Variants in SCPEP1 observed in about 807,000 individuals in gnomAD.
SCPEP1 encodes the protein retinoid-inducible serine carboxypeptidase.
A neutral mutation model predicts 63.8 loss-of-function variants in SCPEP1; 51 were observed. That is an observed-to-expected ratio of 0.80 (90% CI 0.64 to 1.01). The LOEUF is 1.01. Among genes scored for constraint, SCPEP1 ranks in the 50% least tolerant of loss-of-function variants. SCPEP1 has a pLI of 0.00. For synonymous variants in SCPEP1, 204 were observed against 207.8 expected, an observed-to-expected ratio of 0.98 and a Z score of 0.16; for missense variants, 499 against 554.9, an observed-to-expected ratio of 0.90 and a Z score of 1.01.
chr17:57,000,446 A>G (rs1457540623), intron 10 of SCPEP1, among the ~76,000 whole-genome samples: 1 of 152,158 alleles, frequency 6.6e-6, no homozygotes, highest in Non-Finnish European at 1.5e-5. Context: ...AGGTAGGCCT[A>G]CCTGTTCAGA....
chr17:56,978,202 C>G lies in SCPEP1; in HGVS notation c.43C>G (p.Leu15Val). 1 of 1,562,076 alleles carries G rather than the reference C, an allele frequency of 6.4e-7. No individual in the cohort carries two copies. The highest frequency in any genetic ancestry group is 8.6e-7 in the Non-Finnish European group (1 of 1,159,014). ...GCGCTCTCCCGTCCCGCGGTGGTTG[C>G]TGCTGCTGCCGCTGCTGCTGGGCCT... ...LRRSPVPRWL[L>V]LLPLLLGLNA... Residue 15 changes from leucine to valine, a missense_variant, in exon 1 of 13, where the codon CTG becomes GTG. Transcript: ENST00000262288.
chr17:56,996,942 A>G lies in SCPEP1; in HGVS notation c.787-20A>G, dbSNP rs747139916. 47 of 1,558,212 alleles carry G rather than the reference A, an allele frequency of 3.0e-5. No homozygotes were observed. The highest frequency in any genetic ancestry group is 4.0e-5 in the Non-Finnish European group (46 of 1,139,850). On this transcript the variant is annotated intron_variant, in intron 8 of 12. Transcript: ENST00000262288. The stretch of plus-strand genomic sequence containing the variant: ...GATAGGAAAATGAAACAAACAGCCA[A>G]ATAAACTTTTATATTTCAGAACACA...
Position 56,987,708 on chromosome 17 carries a change from G to C in SCPEP1, c.329G>C (p.Ser110Thr). Reference protein sequence around the residue: ...PRKTTWLQAASLLFVDNPVGT... With the variant: ...PRKTTWLQAATLLFVDNPVGT... ...CGTGGTACATAGCTCCAGGCTGCCA[G>C]TCTCCTATTTGTGGATAATCCCGTG... Residue 110 changes from serine (S) to threonine (T), a missense_variant, in exon 4 of 13, where the codon AGT becomes ACT. Physicochemically the swap from Ser to Thr is moderately conservative, Grantham distance 58. Coordinates refer to ENST00000262288, the MANE Select transcript of SCPEP1 (RefSeq NM_021626.3). 1.9e-6 allele frequency: 3 copies of C among 1,613,650 alleles called. No individual in the cohort carries two copies. The highest frequency in any genetic ancestry group is 2.5e-6 in the Non-Finnish European group (3 of 1,179,870).
chr17:57,001,988 C>T, intron 11 of SCPEP1, 30 bp from the exon 12 acceptor site: 2 of 1,597,500 alleles, frequency 1.3e-6, no homozygotes, highest in South Asian at 2.3e-5. Flanking sequence ...GCTGTTAATG[C>T]CAGGCCTTTC....
rs929309175 is a variant in SCPEP1 at position 56,985,358 on chromosome 17, G to A, written c.226-20G>A. 2 of 1,607,590 alleles carry A rather than the reference G, an allele frequency of 1.2e-6. No individual in the cohort carries two copies. The highest frequency in any genetic ancestry group is 4.5e-5 in the East Asian group (2 of 44,858). On this transcript the variant is annotated intron_variant, in intron 2 of 12. Transcript: ENST00000262288. ...TAAGATCTGACTAAAATTTTTGTTT[G>A]TTTCTTCTCTCTTCCATAGGGCGGT...
chr17:57,001,017 C>A, intron 11 of SCPEP1, 25 bp downstream of exon 11: 1 of 1,613,706 alleles, frequency 6.2e-7, no homozygotes, highest in Non-Finnish European at 8.5e-7. Flanking sequence ...TGAGAGGCAC[C>A]TAGAGGCAGT....
chr17:56,995,432 CCT>C, intron 7 of SCPEP1, 73 bp from the exon 8 acceptor site: 1 of 1,509,070 alleles, frequency 6.6e-7, no homozygotes, highest in Admixed American at 2.0e-5. Flanking sequence ...TTCTCCTACC[CCT>C]CCCTAACTGC....
At position 56,992,529 on chromosome 17, in the gene SCPEP1, C is replaced by G. The variant is rs373230334; in HGVS notation, c.619+1358C>G. Among the ~76,000 whole-genome samples, 9 of 152,316 alleles carry G rather than the reference C, an allele frequency of 5.9e-5. 1 individual carries two copies. The highest frequency in any genetic ancestry group is 1.9e-4 in the East Asian group (1 of 5,188). ...GCTGTTTCATAACTGAGCATCCTCACTGGGAACACAGATAAGAGTTGTTTA... is the reference window on the plus strand; with the variant it reads ...GCTGTTTCATAACTGAGCATCCTCAGTGGGAACACAGATAAGAGTTGTTTA... On this transcript the variant is annotated intron_variant, in intron 6 of 12. Coordinates refer to ENST00000262288, the MANE Select transcript of SCPEP1 (RefSeq NM_021626.3).
rs1401191097 is a variant in SCPEP1, at chr17:56,999,922, C to T, written c.995-933C>T. ...GCTTGAACCCGAGAGGCAGAGATTG[C>T]GGTGAGCCAAGATTGTGCCATTGCA... On this transcript the variant is annotated intron_variant, in intron 10 of 12. Transcript: ENST00000262288. Among the ~76,000 whole-genome samples the T allele has an allele frequency of 9.6e-4, 141 of 146,280 alleles. 2 individuals are homozygous for T. Among genetic ancestry groups the T allele is most frequent in the Non-Finnish European group, 2.5e-4 (17 of 67,390 alleles).
intron 11 of SCPEP1, among the ~76,000 whole-genome samples, chr17:57,001,460 T>A (rs1221202210): frequency 3.9e-5 from 6 of 152,108 alleles, no homozygotes; most frequent in African/African-American, 1.4e-4. Context: ...CCTGTTTAAT[T>A]TGCTCACTTC....
intron 9 of SCPEP1, among the ~76,000 whole-genome samples, chr17:56,997,315 C>T (rs1911599158): frequency 1.3e-5 from 2 of 152,154 alleles, no homozygotes; most frequent in African/African-American, 2.4e-5. Context: ...CACAGGCAAC[C>T]ACTCATCTGC....
chr17:56,980,518 A>G (rs558373288), intron 1 of SCPEP1, among the ~76,000 whole-genome samples: 2 of 152,194 alleles, frequency 1.3e-5, no homozygotes, highest in Admixed American at 6.5e-5. Flanking sequence ...ACAGAATTAT[A>G]AAAGTATTTC....
At chr17:56,980,732 G>A (rs1403193233) in intron 1 of SCPEP1, among the ~76,000 whole-genome samples, 3 of 146,512 alleles carry the variant, frequency 2.0e-5, no homozygotes, top group Non-Finnish European at 4.5e-5. Flanking sequence ...AGGTTGCGGT[G>A]AGCCGAGATT....
At chr17:56,995,216 T>A (rs1911510276) in intron 7 of SCPEP1, 198 bp downstream of exon 7, 1 of 562,922 alleles carries the variant, frequency 1.8e-6, no homozygotes, top group Admixed American at 3.4e-5. Flanking sequence ...TCAGCACACA[T>A]CACTTTTTTC....
Position 57,002,198 on chromosome 17 carries a change from G to A in SCPEP1, c.1296+17G>A, listed in dbSNP as rs2144509689. The A allele has an allele frequency of 1.2e-6, 2 of 1,610,770 alleles. No individual in the cohort carries two copies. Among genetic ancestry groups the A allele is most frequent in the Non-Finnish European group, 1.7e-6 (2 of 1,178,652 alleles). ...GGTCATATGGTAAGAAAGAGCTTTT[G>A]TTCCAGACTTAAAAATCATCCTGAG... On this transcript the variant is annotated intron_variant, in intron 12 of 12. Coordinates refer to ENST00000262288, the MANE Select transcript of SCPEP1 (RefSeq NM_021626.3).
intron 6 of SCPEP1, among the ~76,000 whole-genome samples, chr17:56,993,880 C>T (rs1294181404): frequency 6.6e-6 from 1 of 152,208 alleles, no homozygotes; most frequent in Non-Finnish European, 1.5e-5. Flanking sequence ...TTACCAGTCT[C>T]TGGCCCAGAT....
At chr17:57,000,490 A>G (rs1481362278) in intron 10 of SCPEP1, among the ~76,000 whole-genome samples, 1 of 152,208 alleles carries the variant, frequency 6.6e-6, no homozygotes, top group Admixed American at 6.5e-5. Flanking sequence ...ACTCAAAAAA[A>G]CAGGAAAACT....
chr17:56,999,981 TAAAAA>T (rs761068231), intron 10 of SCPEP1, among the ~76,000 whole-genome samples: 1 of 103,838 alleles, frequency 9.6e-6, no homozygotes, highest in South Asian at 3.1e-4. Flanking sequence ...AAACTCTGTC[TAAAAA>T]AAAAAAAAAA....
intron 12 of SCPEP1, among the ~76,000 whole-genome samples, chr17:57,003,974 G>A (rs1911813976): frequency 6.6e-6 from 1 of 152,132 alleles, no homozygotes; most frequent in Non-Finnish European, 1.5e-5. Context: ...GAAGGCAGGT[G>A]GATCACCTGA....
Sources: gnomAD v4.1 joint callset for allele counts (sites outside exome capture counted in the v4.1 genomes callset) on GRCh38, gnomAD v4.1.1 for gene constraint, MANE v1.5 for transcripts, NCBI Gene and HGNC (gene_info 2026-07-23, HGNC 2026-07-21) for gene names.